ADARB2: variants seen among roughly 807,000 people sequenced by gnomAD.
ADARB2 encodes the protein adenosine deaminase RNA specific B2 (inactive).
Under a neutral mutation model 62.2 loss-of-function variants are expected in ADARB2, and 25 were observed. That is an observed-to-expected ratio of 0.40 (90% CI 0.29 to 0.56). The LOEUF is 0.56. ADARB2 is among the 20% of genes least tolerant of loss of function. The pLI, the probability that ADARB2 is intolerant of heterozygous loss-of-function variation, is 0.43. For missense variants in ADARB2, 1,071 were observed against 1,077.4 expected (o/e 0.99, Z 0.08); for synonymous variants, 572 against 500.8 (o/e 1.14, Z -1.90).
chr10:1,590,570 C>T (rs1267208042), intron 1 of ADARB2, among the ~76,000 whole-genome samples: 2 of 152,194 alleles, frequency 1.3e-5, no homozygotes, highest in Non-Finnish European at 2.9e-5. Flanking sequence ...TCGTGGTTCC[C>T]CTCTGGCCGT....
chr10:1,639,465 C>T (rs1833952608), intron 1 of ADARB2, among the ~76,000 whole-genome samples: 1 of 152,204 alleles, frequency 6.6e-6, no homozygotes, highest in Admixed American at 6.5e-5. Flanking sequence ...CCCACAGTAC[C>T]AGACCATTCA....
Position 1,352,081 on chromosome 10 carries a change from G to A in ADARB2, c.1077+10947C>T, listed in dbSNP as rs568743327. On this transcript the variant is annotated intron_variant, in intron 3 of 9. Transcript: ENST00000381312. ...ACCCATCAGGCTCAGCAAATTACCT[G>A]GGCTGTACTGCCGCAAAGCTTCACA... Among the ~76,000 whole-genome samples the A allele has an allele frequency of 7.6e-3, 1,160 of 151,850 alleles. 9 individuals are homozygous for A. The highest frequency in any genetic ancestry group is 0.017 in the Middle Eastern group (5 of 294).
At chr10:1,429,889 CCTCAT>C (rs1267245776) in intron 1 of ADARB2, among the ~76,000 whole-genome samples, 1 of 152,110 alleles carries the variant, frequency 6.6e-6, no homozygotes, top group Non-Finnish European at 1.5e-5. Context: ...TCTCTCCTCC[CCTCAT>C]CTCCTTTCCT....
intron 1 of ADARB2, among the ~76,000 whole-genome samples, chr10:1,390,288 C>T (rs1832559108): frequency 6.6e-6 from 1 of 152,220 alleles, no homozygotes; most frequent in African/African-American, 2.4e-5. Context: ...AGAGCATGGG[C>T]ATCTCTGAAG....
chr10:1,575,994 A>T (rs74565607), intron 1 of ADARB2, among the ~76,000 whole-genome samples: 1 of 31,594 alleles, frequency 3.2e-5, no homozygotes, highest in Non-Finnish European at 7.0e-5. Flanking sequence ...CAGGGTCACT[A>T]AAGGGAAGTT....
intron 1 of ADARB2, among the ~76,000 whole-genome samples, chr10:1,643,638 C>A (rs1446893161): frequency 6.6e-6 from 1 of 152,200 alleles, no homozygotes; most frequent in East Asian, 1.9e-4. Flanking sequence ...TGCTGCGAAG[C>A]GCGTCAGAAC....
intron 1 of ADARB2, among the ~76,000 whole-genome samples, chr10:1,678,482 G>A (rs1194460293): frequency 6.6e-6 from 1 of 152,098 alleles, no homozygotes; most frequent in Non-Finnish European, 1.5e-5. Flanking sequence ...GAACTTTGGG[G>A]CATGCAGGGG....
Position 1,317,079 on chromosome 10 carries a change from C to T in ADARB2, c.1077+45949G>A, listed in dbSNP as rs528085383. 1.2e-4 allele frequency among the ~76,000 whole-genome samples: 18 copies of T among 152,322 alleles called. No homozygotes were observed. The East Asian group carries it at 3.3e-3, about 28-fold the overall frequency. On this transcript the variant is annotated intron_variant, in intron 3 of 9. Coordinates refer to ENST00000381312, the MANE Select transcript of ADARB2 (RefSeq NM_018702.4). The stretch of plus-strand genomic sequence containing the variant: ...CTGCCGTGGCAAAATAAAATAATTC[C>T]ATTTTTAGAAAGGCTGTGGCGTAGG...
chr10:1,297,249 C>T (rs892963894), intron 3 of ADARB2, among the ~76,000 whole-genome samples: 4 of 152,214 alleles, frequency 2.6e-5, no homozygotes, highest in East Asian at 3.9e-4. Flanking sequence ...TAGCCCCCGT[C>T]GGCCTTGGGT....
chr10:1,533,428 A>G (rs1214919722), intron 1 of ADARB2, among the ~76,000 whole-genome samples: 2 of 144,158 alleles, frequency 1.4e-5, no homozygotes, highest in African/African-American at 5.0e-5. Flanking sequence ...ACCACCTTTT[A>G]ATCACGACCA....
intron 1 of ADARB2, among the ~76,000 whole-genome samples, chr10:1,707,639 C>T (rs956844065): frequency 2.6e-5 from 4 of 152,224 alleles, no homozygotes; most frequent in Non-Finnish European, 4.4e-5. Context: ...CAGACTCGGG[C>T]TGTCTGGAGA....
At chr10:1,595,420 G>A (rs1280983962) in intron 1 of ADARB2, among the ~76,000 whole-genome samples, 1 of 152,188 alleles carries the variant, frequency 6.6e-6, no homozygotes, top group African/African-American at 2.4e-5. Flanking sequence ...CCAGGGCACT[G>A]GCTAAGGACG....
At chr10:1,500,687 C>G (rs1831755887) in intron 1 of ADARB2, among the ~76,000 whole-genome samples, 1 of 152,118 alleles carries the variant, frequency 6.6e-6, no homozygotes, top group South Asian at 2.1e-4. Flanking sequence ...TTTAATCTTG[C>G]CCAGCTGTTA....
intron 1 of ADARB2, among the ~76,000 whole-genome samples, chr10:1,451,580 C>T (rs944876316): frequency 4.0e-5 from 6 of 151,890 alleles, no homozygotes; most frequent in African/African-American, 1.5e-4. Context: ...GGGGACACAC[C>T]TGTATGAGGA....
intron 1 of ADARB2, among the ~76,000 whole-genome samples, chr10:1,640,670 A>C (rs74993483): frequency 6.6e-6 from 1 of 152,228 alleles, no homozygotes; most frequent in Non-Finnish European, 1.5e-5. Flanking sequence ...ACACAGACAC[A>C]AAAACATGCA....
At chr10:1,413,943 G>A (rs534417949) in intron 1 of ADARB2, among the ~76,000 whole-genome samples, 6 of 152,296 alleles carry the variant, frequency 3.9e-5, no homozygotes, top group East Asian at 1.9e-4. Flanking sequence ...CAGGTCTCAC[G>A]GTGATGTCCT....
chr10:1,391,064 T>C (rs965252870), intron 1 of ADARB2, among the ~76,000 whole-genome samples: 1 of 152,228 alleles, frequency 6.6e-6, no homozygotes, highest in African/African-American at 2.4e-5. Context: ...GATGAAAGTT[T>C]ACTAGCCTGC....
At position 1,271,018 on chromosome 10, in the gene ADARB2, T is replaced by C. The variant is rs1464375510; in HGVS notation, c.1129A>G (p.Thr377Ala). The C allele has an allele frequency of 1.9e-6, 3 of 1,613,920 alleles. No individual in the cohort carries two copies. In the South Asian group the frequency reaches 3.3e-5, roughly 18 times the overall value. ...GCGTGCATGGGCGTGAGGTCCGTCG[T>C]CACCTCGCGGAACTTCTGTGTGACC... ...QLVTQKFREV[T>A]TDLTPMHARH... Residue 377 changes from threonine to alanine, a missense_variant, in exon 4 of 10, where the codon ACG (threonine) becomes GCG (alanine). By Grantham distance (58) the Thr-to-Ala change is moderately conservative. Transcript: ENST00000381312.
rs531717076 is a variant in ADARB2 at position 1,380,642 on chromosome 10, T to C, written c.101-1482A>G. ...TCCCATTGAAATTCATTCGGGAGCC[T>C]GTTAACAGCTGTTGTTTCCAGTAGG... On this transcript the variant is annotated intron_variant, in intron 1 of 9. Transcript: ENST00000381312. Among the ~76,000 whole-genome samples, 4 of 152,316 alleles carry C rather than the reference T, an allele frequency of 2.6e-5. No homozygotes were observed. In the East Asian group the frequency reaches 7.7e-4, roughly 29 times the overall value.
Sources: gnomAD v4.1 joint callset for allele counts (sites outside exome capture counted in the v4.1 genomes callset) on GRCh38, gnomAD v4.1.1 for gene constraint, MANE v1.5 for transcripts, NCBI Gene and HGNC (gene_info 2026-07-23, HGNC 2026-07-21) for gene names.